Variants in EDRF1 observed in about 807,000 individuals in gnomAD.
EDRF1 encodes erythroid differentiation regulatory factor 1.
EDRF1 carries 69 observed loss-of-function variants against 148.7 expected under a neutral mutation model. The observed-to-expected ratio is 0.46, with a 90% CI of 0.38 to 0.57. EDRF1 has a LOEUF of 0.57. Among genes scored for constraint, EDRF1 ranks in the 20% least tolerant of loss-of-function variants. EDRF1 has a pLI of 0.00. For missense variants in EDRF1, 1,118 were observed against 1,478.7 expected (o/e 0.76, Z 4.00); for synonymous variants, 515 against 532.8 (o/e 0.97, Z 0.46).
intron 2 of EDRF1, 43 bp downstream of exon 2, chr10:125,721,455 C>G (rs1159109501): frequency 1.3e-6 from 2 of 1,558,998 alleles, no homozygotes; most frequent in Non-Finnish European, 1.8e-6. Context: ...CCTCCACCCT[C>G]ACTTAAAACT....
At chr10:125,735,558 T>A in intron 12 of EDRF1, 86 bp from the exon 13 acceptor site, 2 of 1,347,838 alleles carry the variant, frequency 1.5e-6, no homozygotes, top group East Asian at 2.4e-5. Flanking sequence ...TGTGCAGACC[T>A]CCTCCTAAAA....
At chr10:125,751,698 C>T (rs145653498) in intron 22 of EDRF1, among the ~76,000 whole-genome samples, 22 of 152,308 alleles carry the variant, frequency 1.4e-4, no homozygotes, top group African/African-American at 5.1e-4. Flanking sequence ...ACGAGTCTGT[C>T]GGCGGTCTCC....
At chr10:125,751,319 G>T (rs908372392) in intron 22 of EDRF1, among the ~76,000 whole-genome samples, 4 of 151,802 alleles carry the variant, frequency 2.6e-5, no homozygotes, top group African/African-American at 9.7e-5. Flanking sequence ...AGAGGGTTTT[G>T]TTAGCCAGGT....
chr10:125,753,496 A>G (rs990969510), intron 23 of EDRF1, among the ~76,000 whole-genome samples, 198 bp from the exon 24 acceptor site: 10 of 152,154 alleles, frequency 6.6e-5, no homozygotes, highest in African/African-American at 2.4e-4. Flanking sequence ...TTCTTCTACA[A>G]AAGTGCCTAT....
At chr10:125,753,650 A>G (rs372541601) in intron 23 of EDRF1, 44 bp from the exon 24 acceptor site, 2 of 1,611,172 alleles carry the variant, frequency 1.2e-6, no homozygotes, top group Non-Finnish European at 1.7e-6. Flanking sequence ...ATGAAACTAC[A>G]GTTGTTGGAT....
At chr10:125,740,327 G>C (rs958027797) in intron 15 of EDRF1, 136 bp from the exon 16 acceptor site, 7 of 916,720 alleles carry the variant, frequency 7.6e-6, no homozygotes, top group Admixed American at 2.0e-5. Context: ...GTGTATTTAA[G>C]CAGTAAAGCA....
At chr10:125,749,921 A>G in intron 22 of EDRF1, 8 of 343,334 alleles carry the variant, frequency 2.3e-5, no homozygotes, top group Non-Finnish European at 3.9e-5. Flanking sequence ...CAGGCAGATC[A>G]CCTGAGGTCA....
chr10:125,759,942 C>A (rs1489434475), intron 24 of EDRF1, among the ~76,000 whole-genome samples: 2 of 152,304 alleles, frequency 1.3e-5, no homozygotes, highest in African/African-American at 2.4e-5. Flanking sequence ...GATCTTCTGA[C>A]CTCATGATCC....
chr10:125,745,542 C>T (rs1009745862), intron 18 of EDRF1, 165 bp from the exon 19 acceptor site: 2 of 684,874 alleles, frequency 2.9e-6, no homozygotes, highest in East Asian at 5.4e-5. Flanking sequence ...CGTTTACCTT[C>T]ATGTAACAGG....
chr10:125,739,481 G>C (rs1848903733), intron 15 of EDRF1, among the ~76,000 whole-genome samples: 1 of 152,172 alleles, frequency 6.6e-6, no homozygotes, highest in South Asian at 2.1e-4. Context: ...CCTTATGTCA[G>C]AGTTCCAGCA....
At chr10:125,727,280 C>T (rs902840872) in intron 6 of EDRF1, among the ~76,000 whole-genome samples, 1 of 152,206 alleles carries the variant, frequency 6.6e-6, no homozygotes, top group Admixed American at 6.5e-5. Context: ...CACAGCTAGC[C>T]TGCCTTAAGA....
intron 24 of EDRF1, among the ~76,000 whole-genome samples, chr10:125,754,623 T>C (rs1351554301): frequency 6.6e-6 from 1 of 152,234 alleles, no homozygotes; most frequent in Non-Finnish European, 1.5e-5. Flanking sequence ...CCCTGAGTCA[T>C]CTTGTTGCGC....
intron 22 of EDRF1, among the ~76,000 whole-genome samples, chr10:125,751,015 C>T (rs1379972949): frequency 6.6e-6 from 1 of 152,132 alleles, no homozygotes; most frequent in Non-Finnish European, 1.5e-5. Context: ...AGTGCAGTGG[C>T]ATGGTCATGG....
chr10:125,729,178 G>A (rs994416301), intron 7 of EDRF1, 74 bp downstream of exon 7: 12 of 1,480,286 alleles, frequency 8.1e-6, no homozygotes, highest in African/African-American at 5.6e-5. Context: ...AGCCTAAGTC[G>A]AAATTGATAG....
At chr10:125,758,899 C>A (rs771562885) in intron 24 of EDRF1, among the ~76,000 whole-genome samples, 35 of 152,286 alleles carry the variant, frequency 2.3e-4, no homozygotes, top group Non-Finnish European at 4.0e-4. Flanking sequence ...CCTGCACCCC[C>A]ACCTAACCCT....
chr10:125,737,063 A>G (rs1848773629), intron 13 of EDRF1, among the ~76,000 whole-genome samples: 1 of 152,178 alleles, frequency 6.6e-6, no homozygotes, highest in Non-Finnish European at 1.5e-5. Context: ...TTAACTGTCC[A>G]TCTAAATTTT....
At chr10:125,751,588 G>A (rs1307333353) in intron 22 of EDRF1, among the ~76,000 whole-genome samples, 4 of 152,164 alleles carry the variant, frequency 2.6e-5, no homozygotes, top group Admixed American at 6.5e-5. Flanking sequence ...TGTTTAGAAA[G>A]TGTGGGATTA....
intron 24 of EDRF1, 38 bp downstream of exon 24, chr10:125,753,883 G>C (rs774478535): frequency 6.2e-7 from 1 of 1,604,986 alleles, no homozygotes; most frequent in Non-Finnish European, 8.5e-7. Context: ...TTCTTTCCTA[G>C]CACCCTACCT....
At chr10:125,760,147 T>C (rs1850126684) in intron 24 of EDRF1, among the ~76,000 whole-genome samples, 2 of 152,262 alleles carry the variant, frequency 1.3e-5, no homozygotes, top group Non-Finnish European at 2.9e-5. Context: ...ATACTGCATA[T>C]GGTAACAAGG....
Sources: gnomAD v4.1 joint callset for allele counts (sites outside exome capture counted in the v4.1 genomes callset) on GRCh38, gnomAD v4.1.1 for gene constraint, MANE v1.5 for transcripts, NCBI Gene and HGNC (gene_info 2026-07-23, HGNC 2026-07-21) for gene names.